The following CFAP299 variants were observed in gnomAD, a reference collection of about 807,000 sequenced individuals.
CFAP299 encodes cilia and flagella associated protein 299.
CFAP299 carries 21 observed loss-of-function variants against 27.0 expected under a neutral mutation model. That is an observed-to-expected ratio of 0.78 (90% CI 0.55 to 1.12). The LOEUF is 1.12. Among genes scored for constraint, CFAP299 ranks in the 50% most tolerant of loss-of-function variants. The pLI is 0.00. For synonymous variants in CFAP299, 104 were observed against 98.1 expected (o/e 1.06, Z -0.36); for missense variants, 310 against 276.6 (o/e 1.12, Z -0.86).
chr4:80,773,379 G>A (rs1726334187), intron 3 of CFAP299, among the ~76,000 whole-genome samples: 1 of 152,100 alleles, frequency 6.6e-6, no homozygotes. Context: ...CTCTACTAAA[G>A]TTTCTTGAGC....
At chr4:80,322,507 A>G in the CFAP299 span, among the ~76,000 whole-genome samples, 2 of 151,978 alleles carry the variant, frequency 1.3e-5, no homozygotes, top group African/African-American at 4.8e-5. Flanking sequence ...GAGAAGGCCA[A>G]CTTCTTAAAA....
At chr4:80,767,417 G>T (rs986997517) in intron 3 of CFAP299, among the ~76,000 whole-genome samples, 12 of 152,010 alleles carry the variant, frequency 7.9e-5, no homozygotes, top group African/African-American at 2.9e-4. Context: ...AGACCATCCT[G>T]GCTAACATGG....
At chr4:80,579,729 G>A (rs1174496534) in intron 2 of CFAP299, among the ~76,000 whole-genome samples, 2 of 151,892 alleles carry the variant, frequency 1.3e-5, no homozygotes, top group Non-Finnish European at 2.9e-5. Context: ...ACAGTAAGTT[G>A]CAAAATATAT....
At chr4:80,592,688 G>A (rs1736846003) in intron 3 of CFAP299, among the ~76,000 whole-genome samples, 2 of 152,124 alleles carry the variant, frequency 1.3e-5, no homozygotes, top group Admixed American at 6.5e-5. Context: ...TAAAATTTAT[G>A]AAAATTATGG....
chr4:80,535,142 T>C (rs114924698), intron 2 of CFAP299, among the ~76,000 whole-genome samples: 162 of 150,066 alleles, frequency 1.1e-3, no homozygotes, highest in African/African-American at 3.7e-3. Context: ...GCACCCATCA[T>C]AAAAATATAA....
chr4:80,569,808 A>G (rs1735495330), intron 2 of CFAP299, among the ~76,000 whole-genome samples: 2 of 152,052 alleles, frequency 1.3e-5, no homozygotes, highest in African/African-American at 4.8e-5. Context: ...AAAAACTTTA[A>G]AAATCATAAA....
chr4:80,752,766 A>G (rs887316917), intron 3 of CFAP299, among the ~76,000 whole-genome samples: 19 of 151,946 alleles, frequency 1.3e-4, no homozygotes, highest in Admixed American at 7.9e-4. Context: ...TATCTCCACT[A>G]TTGGCTTTTC....
At chr4:80,574,121 C>G (rs1294056087) in intron 2 of CFAP299, among the ~76,000 whole-genome samples, 1 of 151,758 alleles carries the variant, frequency 6.6e-6, no homozygotes, top group East Asian at 1.9e-4. Flanking sequence ...TTTGGTGTCC[C>G]CTTCCATTTC....
chr4:80,858,501 G>A (rs371951748), intron 3 of CFAP299, among the ~76,000 whole-genome samples: 1 of 151,854 alleles, frequency 6.6e-6, no homozygotes, highest in African/African-American at 2.4e-5. Flanking sequence ...TTGTGATGTT[G>A]GGGTGTCAAT....
At chr4:80,622,269 G>A (rs1333649883) in intron 3 of CFAP299, among the ~76,000 whole-genome samples, 1 of 152,138 alleles carries the variant, frequency 6.6e-6, no homozygotes, top group African/African-American at 2.4e-5. Context: ...GAAGTGAAGG[G>A]CGATTGCACT....
intron 3 of CFAP299, among the ~76,000 whole-genome samples, chr4:80,738,797 G>T (rs542194455): frequency 5.3e-5 from 8 of 151,342 alleles, no homozygotes; most frequent in Non-Finnish European, 1.2e-4. Context: ...TGGTTGTTTT[G>T]GAGTCTTCTC....
chr4:80,794,392 C>T (rs1727737301), intron 3 of CFAP299, among the ~76,000 whole-genome samples: 1 of 152,122 alleles, frequency 6.6e-6, no homozygotes, highest in African/African-American at 2.4e-5. Context: ...CCACTTCCAC[C>T]CCTTGATTCC....
intron 2 of CFAP299, among the ~76,000 whole-genome samples, chr4:80,536,586 A>G (rs1292761351): frequency 6.6e-6 from 1 of 152,192 alleles, no homozygotes; most frequent in Non-Finnish European, 1.5e-5. Context: ...ATTGATTTTC[A>G]ACAAAGGTGC....
intron 2 of CFAP299, among the ~76,000 whole-genome samples, chr4:80,519,285 C>A (rs898133549): frequency 6.6e-6 from 1 of 152,056 alleles, no homozygotes; most frequent in Admixed American, 6.5e-5. Context: ...TGGCTCACTG[C>A]GATCTCTGCC....
chr4:80,870,977 G>A (rs1292939306), intron 4 of CFAP299: 1 of 735,144 alleles, frequency 1.4e-6, no homozygotes, highest in South Asian at 6.1e-5. Flanking sequence ...TGCAATCTTG[G>A]ATCACTGCTA....
intron 3 of CFAP299, among the ~76,000 whole-genome samples, chr4:80,753,821 C>T (rs954246973): frequency 6.6e-6 from 1 of 152,020 alleles, no homozygotes; most frequent in Non-Finnish European, 1.5e-5. Context: ...TTTGTTTGTT[C>T]GTTTTAGTTT....
intron 3 of CFAP299, among the ~76,000 whole-genome samples, chr4:80,783,788 C>A (rs1032193974): frequency 6.6e-6 from 1 of 151,968 alleles, no homozygotes; most frequent in African/African-American, 2.4e-5. Context: ...AATATTGCAA[C>A]CTTGCTCCTT....
chr4:80,550,761 ACACACACACACACACACACACACG>A (rs1322654045), intron 2 of CFAP299, among the ~76,000 whole-genome samples: 1 of 59,122 alleles, frequency 1.7e-5, no homozygotes, highest in Non-Finnish European at 2.8e-5. Flanking sequence ...TTAACTCAAA[ACACACACACACACACACACACACG>A]CACACACACA....
intron 1 of CFAP299, among the ~76,000 whole-genome samples, chr4:80,358,330 A>ACT (rs1723371074): frequency 2.0e-5 from 3 of 151,826 alleles, no homozygotes; most frequent in Admixed American, 2.0e-4. Context: ...TGGGGTAGAG[A>ACT]GTAGATATTT....
Sources: gnomAD v4.1 joint callset for allele counts (sites outside exome capture counted in the v4.1 genomes callset) on GRCh38, gnomAD v4.1.1 for gene constraint, MANE v1.5 for transcripts, NCBI Gene and HGNC (gene_info 2026-07-23, HGNC 2026-07-21) for gene names.